The following TBC1D16 variants were observed in gnomAD, a reference collection of about 807,000 sequenced individuals.
TBC1D16 encodes the protein CTD-2529O21.1.
TBC1D16 carries 58 observed loss-of-function variants against 74.7 expected under a neutral mutation model. The ratio of observed to expected loss-of-function variants is 0.78; its 90% CI spans 0.63 to 0.97. The LOEUF (loss-of-function observed/expected upper bound fraction) is 0.97, where lower values mean the gene tolerates loss of function less well. TBC1D16 is among the 50% of genes least tolerant of loss of function. The pLI is 0.00. For missense variants in TBC1D16, 1,014 were observed against 1,079.5 expected (o/e 0.94, Z 0.85); for synonymous variants, 493 against 474.7 (o/e 1.04, Z -0.50).
chr17:79,966,713 T>C (rs1433523163), intron 3 of TBC1D16, among the ~76,000 whole-genome samples: 2 of 152,214 alleles, frequency 1.3e-5, no homozygotes, highest in African/African-American at 4.8e-5. Context: ...CTTTTGACTT[T>C]GTATAAAAGT....
Position 79,933,858 on chromosome 17 carries a change from A to C in TBC1D16, c.*7001T>G, listed in dbSNP as rs2031416298. On this transcript the variant is annotated 3_prime_UTR_variant, in exon 12 of 12. Transcript: ENST00000310924. ...TGCTTCCCTAGAGCGAGCCCACGGT[A>C]CCATAGTCCTCGTGGGATGAATGCA... 1 of 152,276 alleles carries C rather than the reference A, an allele frequency of 6.6e-6. No homozygotes were observed. The highest frequency in any genetic ancestry group is 2.4e-5 in the African/African-American group (1 of 41,454). 9.4% of individuals were successfully genotyped at this position (152,276 alleles called of 1,614,324 possible).
Position 79,986,260 on chromosome 17 carries a change from T to C in TBC1D16, c.779+23900A>G, listed in dbSNP as rs1318770400. Among the ~76,000 whole-genome samples, 2 of 152,226 alleles carry C rather than the reference T, an allele frequency of 1.3e-5. No homozygotes were observed. Among genetic ancestry groups the C allele is most frequent in the Non-Finnish European group, 2.9e-5 (2 of 68,040 alleles). ...CACCCACTTGGGGCAAAGCCATCTC[T>C]CACTTTATTCACTGGTCTTGGACTT... On this transcript the variant is annotated intron_variant, in intron 3 of 11. Coordinates refer to ENST00000310924, the MANE Select transcript of TBC1D16 (RefSeq NM_019020.4). The surrounding 1 kb of genome is among the most constrained non-coding windows in gnomAD (Gnocchi z 6.0).
rs375438261 is a variant in TBC1D16 at position 80,000,939 on chromosome 17, T to C, written c.779+9221A>G. ...ACATCATGTGTGAGCCAAACAGCCA[T>C]GCCACAGTTGCACACCAGAGGGCTG... is the stretch of plus-strand genomic sequence containing the variant. On this transcript the variant is annotated intron_variant, in intron 3 of 11. Transcript: ENST00000310924. The surrounding 1 kb of genome is among the most constrained non-coding windows in gnomAD (Gnocchi z 4.1). Among the ~76,000 whole-genome samples, 6 of 152,300 alleles carry C rather than the reference T, an allele frequency of 3.9e-5. No homozygotes were observed. Among genetic ancestry groups the C allele is most frequent in the African/African-American group, 1.4e-4 (6 of 41,570 alleles).
In TBC1D16 at chr17:79,993,993, C is replaced by T. The variant is rs926297049; in HGVS notation, c.779+16167G>A. Among the ~76,000 whole-genome samples the T allele has an allele frequency of 6.6e-6, 1 of 152,174 alleles. No individual in the cohort carries two copies. The highest frequency in any genetic ancestry group is 1.5e-5 in the Non-Finnish European group (1 of 68,026). Reference sequence around the variant, plus strand: ...CAAGTTTCATTTCCCTGACCTTGGACAGCCCTCCTGATGCAGGGAGCGCCC... The same window carrying T: ...CAAGTTTCATTTCCCTGACCTTGGATAGCCCTCCTGATGCAGGGAGCGCCC... On this transcript the variant is annotated intron_variant, in intron 3 of 11. Coordinates refer to ENST00000310924, the MANE Select transcript of TBC1D16 (RefSeq NM_019020.4). The surrounding 1 kb of genome is among the most constrained non-coding windows in gnomAD (Gnocchi z 5.1).
intron 1 of TBC1D16, among the ~76,000 whole-genome samples, chr17:80,021,494 G>A (rs1277504421): frequency 1.3e-5 from 2 of 149,582 alleles, no homozygotes; most frequent in Admixed American, 6.6e-5. Flanking sequence ...TTATCTGTTG[G>A]TGTGCTTTGA....
rs1217575410 is a variant in TBC1D16 at position 79,988,796 on chromosome 17, A to G, written c.779+21364T>C. Among the ~76,000 whole-genome samples the G allele has an allele frequency of 1.3e-5, 2 of 152,232 alleles. No individual in the cohort carries two copies. Among genetic ancestry groups the G allele is most frequent in the South Asian group, 2.1e-4 (1 of 4,834 alleles). On this transcript the variant is annotated intron_variant, in intron 3 of 11. Transcript: ENST00000310924. The surrounding 1 kb of genome is among the most constrained non-coding windows in gnomAD (Gnocchi z 5.7). The stretch of plus-strand genomic sequence containing the variant: ...TAGAGCCACAGAAAATCAAAGTCCA[A>G]TCCCGCTAAGCATGGTGCTGTGTAG...
intron 3 of TBC1D16, chr17:79,991,980 C>A (rs2035080447): frequency 6.6e-6 from 1 of 152,270 alleles, no homozygotes; most frequent in African/African-American, 2.4e-5. Flanking sequence ...CTGCAAAGGG[C>A]CGGGGGCCTG....
Position 80,010,235 on chromosome 17 carries a change from G to A in TBC1D16, c.704C>T (p.Ser235Leu), listed in dbSNP as rs575967729. The part of the protein sequence containing the change: ...SFDSDSDTFS[S>L]PFCLSPISAA... ...GCTGATGGGCGAGAGGCAGAAGGGC[G>A]AGGAGAAGGTGTCTGAGTCTGAGTC... Residue 235 changes from serine (S) to leucine (L), a missense_variant, in exon 3 of 12, where the codon TCG (serine) becomes TTG (leucine). Coordinates refer to ENST00000310924, the MANE Select transcript of TBC1D16 (RefSeq NM_019020.4). This position sits in a 1 kb window ranked among gnomAD's most constrained non-coding sequence, Gnocchi z 8.8. The A allele has an allele frequency of 1.3e-5, 21 of 1,613,352 alleles. No individual in the cohort carries two copies. The East Asian group carries it at 3.3e-4, about 26-fold the overall frequency.
At chr17:80,023,492 G>T (rs954582874) in intron 1 of TBC1D16, among the ~76,000 whole-genome samples, 1 of 150,076 alleles carries the variant, frequency 6.7e-6, no homozygotes, top group Non-Finnish European at 1.5e-5. Flanking sequence ...AGCCCCTGCG[G>T]CCACTTCTTC....
chr17:80,034,929 G>C (rs574762784), intron 1 of TBC1D16, among the ~76,000 whole-genome samples: 55 of 152,334 alleles, frequency 3.6e-4, no homozygotes, highest in African/African-American at 1.2e-3. Context: ...AAAGAAAGCA[G>C]ATCTTCAGGA....
rs1470315449 is a variant in TBC1D16 at position 79,961,183 on chromosome 17, G to A, written c.780-8365C>T. Among the ~76,000 whole-genome samples, 1 of 152,166 alleles carries A rather than the reference G, an allele frequency of 6.6e-6. No individual in the cohort carries two copies. Among genetic ancestry groups the A allele is most frequent in the Non-Finnish European group, 1.5e-5 (1 of 68,032 alleles). On this transcript the variant is annotated intron_variant, in intron 3 of 11. Coordinates refer to ENST00000310924, the MANE Select transcript of TBC1D16 (RefSeq NM_019020.4). This position sits in a 1 kb window ranked among gnomAD's most constrained non-coding sequence, Gnocchi z 4.8. Reference sequence around the variant, plus strand: ...AACTGCTGATATGCATGACGATATGGAAGCATCTCAGTTGTATTATGTTAA... The same window carrying A: ...AACTGCTGATATGCATGACGATATGAAAGCATCTCAGTTGTATTATGTTAA...
In TBC1D16 at chr17:79,999,126, G is replaced by T. The variant is rs1304734653; in HGVS notation, c.779+11034C>A. Among the ~76,000 whole-genome samples the T allele has an allele frequency of 2.0e-5, 3 of 151,934 alleles. No individual in the cohort carries two copies. In the East Asian group the frequency reaches 5.8e-4, roughly 30 times the overall value. On this transcript the variant is annotated intron_variant, in intron 3 of 11. Transcript: ENST00000310924. ...CAAAAATTAGCCGTGTGTGGTGGTG[G>T]GCACCTGTAGTCCCAGCTACTCGGG... is the stretch of plus-strand genomic sequence containing the variant.
At position 79,978,456 on chromosome 17, in the gene TBC1D16, C is replaced by A. The variant is rs1034393570; in HGVS notation, c.780-25638G>T. 2.2e-5 allele frequency among the ~76,000 whole-genome samples: 3 copies of A among 138,806 alleles called. No individual in the cohort carries two copies. The East Asian group carries it at 7.5e-4, about 35-fold the overall frequency. The allele number at this position is 138,806 out of a possible 152,430, so 91.1% of individuals were successfully genotyped here. A position where few individuals can be genotyped will look rare whatever the true frequency, so the allele number is the denominator to read the frequency against. On this transcript the variant is annotated intron_variant, in intron 3 of 11. Coordinates refer to ENST00000310924, the MANE Select transcript of TBC1D16 (RefSeq NM_019020.4). ...TCTGTTCCTTTGCCAGCCGTGGGGG[C>A]GGGGTGGGGGCCGTGGCGGGCGGGC... is the stretch of plus-strand genomic sequence containing the variant.
chr17:79,963,717 T>C (rs1779873886), intron 3 of TBC1D16, among the ~76,000 whole-genome samples: 1 of 152,186 alleles, frequency 6.6e-6, no homozygotes, highest in South Asian at 2.1e-4. Context: ...GGGATTTCAA[T>C]CCCTCCACAT....
At chr17:80,003,245 AG>A (rs1175734677) in intron 3 of TBC1D16, among the ~76,000 whole-genome samples, 1 of 152,236 alleles carries the variant, frequency 6.6e-6, no homozygotes, top group Non-Finnish European at 1.5e-5. Flanking sequence ...ACTGCATGAC[AG>A]AAACCACAGT....
Position 80,010,116 on chromosome 17 carries a change from C to T in TBC1D16, c.779+44G>A. On this transcript the variant is annotated intron_variant, in intron 3 of 11. Transcript: ENST00000310924. This position sits in a 1 kb window ranked among gnomAD's most constrained non-coding sequence, Gnocchi z 8.8. ...TGAGTGCTTCCTGCCCAGGTCAGGC[C>T]TTGGGGGCCTCCCGAGAGCCCACGC... 1 of 1,529,774 alleles carries T rather than the reference C, an allele frequency of 6.5e-7. No homozygotes were observed. The highest frequency in any genetic ancestry group is 8.9e-7 in the Non-Finnish European group (1 of 1,126,944). 94.8% of individuals were successfully genotyped at this position (1,529,774 alleles called of 1,614,324 possible).
chr17:79,951,850 G>T, intron 4 of TBC1D16: 1 of 395,104 alleles, frequency 2.5e-6, no homozygotes, highest in South Asian at 4.1e-5. Flanking sequence ...TGCCAGAGTG[G>T]CCTTCTCCCC....
chr17:79,990,723 C>T lies in TBC1D16; in HGVS notation c.779+19437G>A, dbSNP rs1013256173. Among the ~76,000 whole-genome samples, 40 of 152,210 alleles carry T rather than the reference C, an allele frequency of 2.6e-4. No individual in the cohort carries two copies. Among genetic ancestry groups the T allele is most frequent in the African/African-American group, 9.6e-4 (40 of 41,452 alleles). On this transcript the variant is annotated intron_variant, in intron 3 of 11. Coordinates refer to ENST00000310924, the MANE Select transcript of TBC1D16 (RefSeq NM_019020.4). The surrounding 1 kb of genome is among the most constrained non-coding windows in gnomAD (Gnocchi z 4.8). ...AACTCTCCTTCTTCCCAAACTGAAG[C>T]TTTGTCTCCATGAAACACCAGCTCC...
intron 1 of TBC1D16, among the ~76,000 whole-genome samples, chr17:80,034,366 A>G (rs983544713): frequency 2.8e-5 from 4 of 145,202 alleles, no homozygotes; most frequent in Admixed American, 6.9e-5. Flanking sequence ...CACCGGGCTA[A>G]TTTTTGTATT....
Sources: allele counts gnomAD v4.1 joint callset (sites outside exome capture counted in the v4.1 genomes callset), GRCh38; gene constraint gnomAD v4.1.1; non-coding constraint Gnocchi (gnomAD v3.1); transcripts MANE v1.5; gene names NCBI Gene and HGNC (gene_info 2026-07-23, HGNC 2026-07-21).